NAV2: variants seen among roughly 807,000 people sequenced by gnomAD.
The protein encoded by NAV2 is helicase, APC down-regulated 1.
In NAV2, 54 loss-of-function variants were observed where a neutral mutation model predicts 223.2. That is an observed-to-expected ratio of 0.24 (90% CI 0.19 to 0.30). The LOEUF (loss-of-function observed/expected upper bound fraction) is 0.30, where lower values mean the gene tolerates loss of function less well. Among genes scored for constraint, NAV2 ranks in the 10% least tolerant of loss-of-function variants. The pLI, the probability that NAV2 is intolerant of heterozygous loss-of-function variation, is 1.00. For synonymous variants in NAV2, 1,279 were observed against 1,239.3 expected (o/e 1.03, Z -0.67); for missense variants, 2,806 against 3,147.5 (o/e 0.89, Z 2.60).
At chr11:19,498,670 A>G (rs1054736330) in intron 1 of NAV2, among the ~76,000 whole-genome samples, 1 of 152,190 alleles carries the variant, frequency 6.6e-6, no homozygotes, top group African/African-American at 2.4e-5. Context: ...TCGTCTATCC[A>G]TCTGCCTGCC....
At chr11:19,645,483 C>T (rs1371332750) in intron 1 of NAV2, among the ~76,000 whole-genome samples, 2 of 152,160 alleles carry the variant, frequency 1.3e-5, no homozygotes, top group East Asian at 3.9e-4. Flanking sequence ...ATAATTCCAC[C>T]TACCACCATA....
intron 1 of NAV2, among the ~76,000 whole-genome samples, chr11:19,605,550 AAG>A (rs1196749184): frequency 3.3e-5 from 5 of 151,828 alleles, no homozygotes; most frequent in African/African-American, 1.2e-4. Context: ...AAAAAAAAAA[AAG>A]AAAGTCATGA....
At chr11:19,374,255 A>C (rs1282633754) in intron 1 of NAV2, among the ~76,000 whole-genome samples, 1 of 151,010 alleles carries the variant, frequency 6.6e-6, no homozygotes. Flanking sequence ...GCAGATGACA[A>C]TTTATCTAGG....
At chr11:19,793,611 G>C (rs11025256) in intron 1 of NAV2, among the ~76,000 whole-genome samples, 3 of 152,058 alleles carry the variant, frequency 2.0e-5, no homozygotes, top group Admixed American at 6.5e-5. Flanking sequence ...TCTGCTCCCA[G>C]CCCTGCCTCT....
intron 1 of NAV2, among the ~76,000 whole-genome samples, chr11:19,472,335 C>T (rs2041988977): frequency 6.6e-6 from 1 of 152,164 alleles, no homozygotes; most frequent in Non-Finnish European, 1.5e-5. Context: ...TTTCACCACT[C>T]TGTGCCTCAG....
intron 1 of NAV2, among the ~76,000 whole-genome samples, chr11:19,717,600 C>T (rs1012101043): frequency 1.3e-5 from 2 of 152,198 alleles, no homozygotes; most frequent in African/African-American, 4.8e-5. Flanking sequence ...CTGACATCTT[C>T]CCTTTCAAAA....
intron 6 of NAV2, among the ~76,000 whole-genome samples, chr11:19,922,204 C>T (rs1434065983): frequency 6.6e-6 from 1 of 152,056 alleles, no homozygotes; most frequent in Non-Finnish European, 1.5e-5. Flanking sequence ...CACTCTTGTT[C>T]AGAATGGTCC....
chr11:20,031,167 T>C (rs1362382597), intron 11 of NAV2, among the ~76,000 whole-genome samples: 1 of 152,200 alleles, frequency 6.6e-6, no homozygotes, highest in South Asian at 2.1e-4. Flanking sequence ...ACACTGTAGT[T>C]CTTTCTGCTG....
At chr11:19,710,268 C>G (rs1441605060), upstream of NAV2, among the ~76,000 whole-genome samples, 2 of 152,204 alleles carry the variant, frequency 1.3e-5, no homozygotes, top group Non-Finnish European at 1.5e-5. Flanking sequence ...CTCCTGCTGT[C>G]TGTGCTACTC....
chr11:20,114,675 C>T lies in NAV2; in HGVS notation c.7044C>T (p.His2348=), dbSNP rs775318458. 4.5e-5 allele frequency: 73 copies of T among 1,614,050 alleles called. No homozygotes were observed. The highest frequency in any genetic ancestry group is 5.7e-5 in the Non-Finnish European group (67 of 1,180,042). ...CATGGGCAGCCAGCCCACAACAGCACGAGTGGCCTCCCCTGCTGCAGTTAC... is the reference window on the plus strand; with the variant it reads ...CATGGGCAGCCAGCCCACAACAGCATGAGTGGCCTCCCCTGCTGCAGTTAC... ...TYPWAASPQQ[H]EWPPLLQLRP... The change falls in exon 37 of 38, where the codon CAC becomes CAT. Residue 2348 remains histidine (H), a synonymous_variant. Transcript: ENST00000349880.
intron 11 of NAV2, chr11:20,027,337 A>T (rs2055199444): frequency 1.2e-5 from 12 of 985,520 alleles, no homozygotes; most frequent in Non-Finnish European, 1.4e-5. Context: ...TGCCTTGAAC[A>T]ATAGCCAGAA....
rs538224556 is a variant in NAV2, at chr11:19,840,014, A to G, written c.386-2857A>G. On this transcript the variant is annotated intron_variant, in intron 2 of 37. Transcript: ENST00000349880. Reference sequence around the variant, plus strand: ...GAAGACCAAGCTCTTCCTTCTTACCAGCAGAATCAGAGCTGCTATTAGCAC... The same window carrying G: ...GAAGACCAAGCTCTTCCTTCTTACCGGCAGAATCAGAGCTGCTATTAGCAC... Among the ~76,000 whole-genome samples, 3 of 152,336 alleles carry G rather than the reference A, an allele frequency of 2.0e-5. No individual in the cohort carries two copies. In the South Asian group the frequency reaches 6.2e-4, roughly 32 times the overall value.
At chr11:19,687,505 G>A (rs2049056237) in intron 1 of NAV2, among the ~76,000 whole-genome samples, 2 of 152,180 alleles carry the variant, frequency 1.3e-5, no homozygotes, top group African/African-American at 4.8e-5. Context: ...CATCCTATTA[G>A]GTCCCCTCCT....
At chr11:19,577,919 AG>A (rs1207195880) in intron 1 of NAV2, among the ~76,000 whole-genome samples, 1 of 152,236 alleles carries the variant, frequency 6.6e-6, no homozygotes, top group Non-Finnish European at 1.5e-5. Context: ...AATCAGCGAC[AG>A]GCGCCCAAAA....
intron 1 of NAV2, among the ~76,000 whole-genome samples, chr11:19,612,429 T>C (rs531044117): frequency 5.3e-5 from 8 of 152,342 alleles, no homozygotes; most frequent in South Asian, 2.1e-4. Flanking sequence ...CTGCAAATTT[T>C]CCAAACTTTT....
intron 1 of NAV2, among the ~76,000 whole-genome samples, chr11:19,658,657 A>G (rs995300985): frequency 1.3e-5 from 2 of 152,184 alleles, no homozygotes; most frequent in Non-Finnish European, 2.9e-5. Context: ...CCCCAGCAGT[A>G]TCCCCGTGCA....
intron 1 of NAV2, among the ~76,000 whole-genome samples, chr11:19,548,892 A>C (rs545245663): frequency 1.3e-3 from 202 of 151,930 alleles, no homozygotes; most frequent in African/African-American, 4.4e-3. Context: ...AAAAAAAAAA[A>C]AAAACACCCT....
intron 1 of NAV2, among the ~76,000 whole-genome samples, chr11:19,543,480 C>A (rs1475758759): frequency 1.3e-5 from 2 of 152,110 alleles, no homozygotes; most frequent in African/African-American, 2.4e-5. Flanking sequence ...TTTATCGCAC[C>A]AAATCTCACC....
At chr11:19,687,740 T>C (rs2049061838) in intron 1 of NAV2, among the ~76,000 whole-genome samples, 1 of 146,468 alleles carries the variant, frequency 6.8e-6, no homozygotes, top group Admixed American at 6.7e-5. Flanking sequence ...TGTGTGTACA[T>C]GTGTGTGTGC....
Sources: allele counts gnomAD v4.1 joint callset (sites outside exome capture counted in the v4.1 genomes callset), GRCh38; gene constraint gnomAD v4.1.1; transcripts MANE v1.5; gene names NCBI Gene and HGNC (gene_info 2026-07-23, HGNC 2026-07-21).